BTBD16: variants seen among roughly 807,000 people sequenced by gnomAD.
BTBD16 encodes BTB/POZ domain-containing protein 16.
Under a neutral mutation model 67.4 loss-of-function variants are expected in BTBD16, and 66 were observed. The ratio of observed to expected loss-of-function variants is 0.98; its 90% CI spans 0.80 to 1.20. BTBD16 has a LOEUF of 1.20. Among genes scored for constraint, BTBD16 ranks in the 50% most tolerant of loss-of-function variants. The pLI, the probability that BTBD16 is intolerant of heterozygous loss-of-function variation, is 0.00. For missense variants in BTBD16, 634 were observed against 616.0 expected, an observed-to-expected ratio of 1.03 and a Z score of -0.31; for synonymous variants, 242 against 236.4, an observed-to-expected ratio of 1.02 and a Z score of -0.22.
intron 9 of BTBD16, 49 bp from the exon 10 acceptor site, chr10:122,307,140 A>G: frequency 6.4e-7 from 1 of 1,560,954 alleles, no homozygotes; most frequent in Non-Finnish European, 8.6e-7. Flanking sequence ...AAGCAGCGTG[A>G]TTTTGTGCTA....
At chr10:122,317,512 T>TG (rs1036721504) in intron 10 of BTBD16, among the ~76,000 whole-genome samples, 37 of 151,776 alleles carry the variant, frequency 2.4e-4, no homozygotes, top group African/African-American at 8.7e-4. Flanking sequence ...CCGGGCATGG[T>TG]GGCGGGCAGC....
intron 9 of BTBD16, among the ~76,000 whole-genome samples, chr10:122,299,591 C>T (rs772779704): frequency 2.0e-5 from 3 of 151,914 alleles, no homozygotes; most frequent in Admixed American, 6.6e-5. Flanking sequence ...AGCCATCTCT[C>T]GGTGCCCCTG....
chr10:122,312,316 T>C (rs1183561701), intron 10 of BTBD16, among the ~76,000 whole-genome samples: 9 of 127,854 alleles, frequency 7.0e-5, no homozygotes, highest in Non-Finnish European at 9.8e-5. Context: ...TTTCTTTTTT[T>C]TTTTTTTTTT....
At chr10:122,290,781 C>T (rs544928126) in intron 6 of BTBD16, among the ~76,000 whole-genome samples, 29 of 152,292 alleles carry the variant, frequency 1.9e-4, no homozygotes, top group African/African-American at 6.5e-4. Context: ...CACATTCCTG[C>T]GCAGGCCACA....
intron 7 of BTBD16, among the ~76,000 whole-genome samples, chr10:122,292,208 A>G (rs2096375406): frequency 6.6e-6 from 1 of 152,202 alleles, no homozygotes; most frequent in African/African-American, 2.4e-5. Context: ...TCTGACATAA[A>G]ATGTGGCTTA....
intron 5 of BTBD16, among the ~76,000 whole-genome samples, chr10:122,288,503 A>C (rs977136466): frequency 6.6e-6 from 1 of 152,020 alleles, no homozygotes; most frequent in Non-Finnish European, 1.5e-5. Context: ...CATTATCTGG[A>C]ACCTTGAGCT....
intron 10 of BTBD16, chr10:122,328,852 G>C (rs10736312): frequency 1.0e-6 from 1 of 984,244 alleles, no homozygotes; most frequent in African/African-American, 1.7e-5. Context: ...CTTCAGCTCC[G>C]TGAGGAAGTT....
chr10:122,310,680 C>A (rs1277456513), intron 10 of BTBD16, among the ~76,000 whole-genome samples: 1 of 152,128 alleles, frequency 6.6e-6, no homozygotes, highest in Non-Finnish European at 1.5e-5. Context: ...AGAGAGGGAG[C>A]AATTTGGCCC....
Position 122,329,922 on chromosome 10 carries a change from G to A in BTBD16, c.1003+351G>A, listed in dbSNP as rs114515489. On this transcript the variant is annotated intron_variant, in intron 11 of 15. Transcript: ENST00000260723. ...CTAGGCCCCTTGTTCTGCAGTTTGG[G>A]AGAAAACTCTGAATTTGTGCTCCCT... is the stretch of plus-strand genomic sequence containing the variant. 2.7e-3 allele frequency among the ~76,000 whole-genome samples: 409 copies of A among 152,296 alleles called. 5 individuals are homozygous for A. Among genetic ancestry groups the A allele is most frequent in the African/African-American group, 9.4e-3 (389 of 41,562 alleles).
chr10:122,327,067 T>C (rs2096446345), intron 10 of BTBD16, among the ~76,000 whole-genome samples: 1 of 152,070 alleles, frequency 6.6e-6, no homozygotes, highest in South Asian at 2.1e-4. Flanking sequence ...CCAAGTAAAA[T>C]GGAAAATGTG....
At chr10:122,302,243 C>T (rs1365268472) in intron 9 of BTBD16, among the ~76,000 whole-genome samples, 2 of 152,232 alleles carry the variant, frequency 1.3e-5, no homozygotes, top group African/African-American at 4.8e-5. Context: ...AAATATGCAA[C>T]AGTTTTCCTG....
chr10:122,329,418 C>G (rs377485037), intron 10 of BTBD16, 62 bp from the exon 11 acceptor site: 3 of 1,530,378 alleles, frequency 2.0e-6, no homozygotes, highest in African/African-American at 1.4e-5. Context: ...TTCCCTAGCC[C>G]GAGCTAATTC....
At chr10:122,301,091 C>T (rs1175714030) in intron 9 of BTBD16, among the ~76,000 whole-genome samples, 1 of 152,150 alleles carries the variant, frequency 6.6e-6, no homozygotes, top group Non-Finnish European at 1.5e-5. Flanking sequence ...AAAGTCATTC[C>T]GTGGTGTTCT....
chr10:122,309,385 G>A (rs1023513907), intron 10 of BTBD16, among the ~76,000 whole-genome samples: 11 of 149,468 alleles, frequency 7.4e-5, no homozygotes, highest in Non-Finnish European at 1.3e-4. Context: ...TCGCTCTGTC[G>A]CCAGGCTGGA....
At chr10:122,277,332 C>T (rs977232047) in intron 3 of BTBD16, among the ~76,000 whole-genome samples, 1 of 152,214 alleles carries the variant, frequency 6.6e-6, no homozygotes, top group Non-Finnish European at 1.5e-5. Context: ...AATTGATCCT[C>T]TCTCAATCTC....
chr10:122,321,403 G>A (rs1342403302), intron 10 of BTBD16, among the ~76,000 whole-genome samples: 1 of 152,138 alleles, frequency 6.6e-6, no homozygotes, highest in Non-Finnish European at 1.5e-5. Context: ...ATGGTATAGT[G>A]CAATTTTCAG....
At chr10:122,328,856 G>T in intron 10 of BTBD16, 1 of 982,868 alleles carries the variant, frequency 1.0e-6, no homozygotes, top group Non-Finnish European at 1.2e-6. Context: ...AGCTCCGTGA[G>T]GAAGTTAACT....
At chr10:122,274,914 A>C in intron 1 of BTBD16, 126 bp from the exon 2 acceptor site, 1 of 635,308 alleles carries the variant, frequency 1.6e-6, no homozygotes, top group Non-Finnish European at 2.8e-6. Context: ...TTGATTGATA[A>C]ATAACCCACA....
chr10:122,272,853 C>T (rs542654541), intron 1 of BTBD16, among the ~76,000 whole-genome samples: 2 of 152,100 alleles, frequency 1.3e-5, no homozygotes, highest in Non-Finnish European at 2.9e-5. Context: ...AGTGAGACTA[C>T]AGTAACCCAG....
Sources: allele counts gnomAD v4.1 joint callset (sites outside exome capture counted in the v4.1 genomes callset), GRCh38; gene constraint gnomAD v4.1.1; transcripts MANE v1.5; gene names NCBI Gene and HGNC (gene_info 2026-07-23, HGNC 2026-07-21).